Variants in RASSF2 observed in about 807,000 individuals in gnomAD.
The protein encoded by RASSF2 is Ras association domain family member 2, also known as ras association domain-containing protein 2.
A neutral mutation model predicts 46.3 loss-of-function variants in RASSF2; 34 were observed. The ratio of observed to expected loss-of-function variants is 0.73; its 90% CI spans 0.56 to 0.98. The LOEUF is 0.98. RASSF2 is among the 50% of genes least tolerant of loss of function. RASSF2 has a pLI of 0.00. For missense variants in RASSF2, 364 were observed against 431.2 expected (o/e 0.84, Z 1.38); for synonymous variants, 158 against 162.5 (o/e 0.97, Z 0.21).
Position 4,820,515 on chromosome 20 carries a change from AT to A in RASSF2, c.-33+1813del, listed in dbSNP as rs199605274. Among the ~76,000 whole-genome samples the A allele has an allele frequency of 5.3e-4, 80 of 151,968 alleles. 2 individuals carry two copies. The South Asian group carries it at 0.016, about 30-fold the overall frequency. ...ACAGAGAGAGACCCTATGTCAAAAAATAATAATAATAATAAATATAAATAAA... is the reference window on the plus strand; with the variant it reads ...ACAGAGAGAGACCCTATGTCAAAAAAAATAATAATAATAAATATAAATAAA... On this transcript the variant is annotated intron_variant, in intron 2 of 11. Transcript: ENST00000379400.
At chr20:4,798,142 A>T in intron 3 of RASSF2, 57 bp from the exon 4 acceptor site, 1 of 1,601,550 alleles carries the variant, frequency 6.2e-7, no homozygotes, top group South Asian at 1.1e-5. Flanking sequence ...CTTATAATGC[A>T]GTTGTTCCCT....
In RASSF2 at chr20:4,806,261, T is replaced by C. The variant is rs140212147; in HGVS notation, c.-32-5199A>G. Among the ~76,000 whole-genome samples, 447 of 152,336 alleles carry C rather than the reference T, an allele frequency of 2.9e-3. 2 individuals are homozygous for C. Among genetic ancestry groups the C allele is most frequent in the Middle Eastern group, 0.01 (3 of 294 alleles). On this transcript the variant is annotated intron_variant, in intron 2 of 11. Coordinates refer to ENST00000379400, the MANE Select transcript of RASSF2 (RefSeq NM_014737.3). ...AGGAAGGGGAACCCAGAGCAGCCTC[T>C]GTTAAACCACACAAAGGTCATGGGG... is the stretch of plus-strand genomic sequence containing the variant.
intron 4 of RASSF2, among the ~76,000 whole-genome samples, chr20:4,797,327 T>G (rs1047130240): frequency 6.6e-6 from 1 of 152,208 alleles, no homozygotes; most frequent in African/African-American, 2.4e-5. Flanking sequence ...TTTCTATGGT[T>G]AAATCGCCAC....
At position 4,784,227 on chromosome 20, in the gene RASSF2, G is replaced by A. The variant is rs555147553; in HGVS notation, c.*46C>T. 1.8e-5 allele frequency: 28 copies of A among 1,553,998 alleles called. No individual in the cohort carries two copies. The highest frequency in any genetic ancestry group is 2.5e-5 in the Non-Finnish European group (28 of 1,125,362). Reference sequence around the variant, plus strand: ...TGCCTAGCTTCCTGGGGGTCTTATGGGCAATGGCGGTTCCTGGGGTGCCCA... The same window carrying A: ...TGCCTAGCTTCCTGGGGGTCTTATGAGCAATGGCGGTTCCTGGGGTGCCCA... On this transcript the variant is annotated 3_prime_UTR_variant, in exon 12 of 12. Transcript: ENST00000379400.
chr20:4,792,102 T>C (rs190133912), intron 6 of RASSF2, among the ~76,000 whole-genome samples: 113 of 151,762 alleles, frequency 7.4e-4, no homozygotes, highest in Admixed American at 1.2e-3. Flanking sequence ...AATACAAAAA[T>C]TAGCTGGGCA....
intron 2 of RASSF2, among the ~76,000 whole-genome samples, chr20:4,819,373 TGTACAAA>T (rs992322836): frequency 5.9e-5 from 9 of 152,016 alleles, no homozygotes; most frequent in African/African-American, 1.7e-4. Flanking sequence ...ACAAAGGGAG[TGTACAAA>T]GTACAAAGTA....
chr20:4,783,005 G>A lies in RASSF2; in HGVS notation c.*1268C>T, dbSNP rs746184470. The A allele has an allele frequency of 5.9e-5, 9 of 152,298 alleles. No homozygotes were observed. The highest frequency in any genetic ancestry group is 1.3e-4 in the Admixed American group (2 of 15,284). The allele number at this position is 152,298 out of a possible 1,614,324, so 9.4% of individuals were successfully genotyped here. On this transcript the variant is annotated 3_prime_UTR_variant, in exon 12 of 12. Transcript: ENST00000379400. ...CTTGCCCTTTTCTCCCATTGGGGTT[G>A]GATTTAAAGATCACATAGGTGGCTG...
chr20:4,811,252 G>GTAGTCTTAGCTACTC (rs1555792684), intron 2 of RASSF2, among the ~76,000 whole-genome samples: 7 of 62,614 alleles, frequency 1.1e-4, no homozygotes, highest in African/African-American at 2.0e-4. Context: ...TCAGGAGGCT[G>GTAGTCTTAGCTACTC]AGATAGGAGG....
At chr20:4,819,255 G>A (rs190446328) in intron 2 of RASSF2, among the ~76,000 whole-genome samples, 4 of 152,290 alleles carry the variant, frequency 2.6e-5, no homozygotes, top group African/African-American at 9.6e-5. Flanking sequence ...GAGCCACTGC[G>A]CCCAGCCTGA....
chr20:4,802,102 A>G (rs1038910327), intron 2 of RASSF2, among the ~76,000 whole-genome samples: 15 of 151,620 alleles, frequency 9.9e-5, no homozygotes, highest in African/African-American at 3.6e-4. Flanking sequence ...AAGCGATGTC[A>G]CTTTGTCACC....
At chr20:4,815,747 G>A (rs1928252710) in intron 2 of RASSF2, among the ~76,000 whole-genome samples, 1 of 152,204 alleles carries the variant, frequency 6.6e-6, no homozygotes, top group African/African-American at 2.4e-5. Context: ...GTGGGTCTGG[G>A]CCCCAAGGGC....
At chr20:4,818,971 CT>C (rs542701707) in intron 2 of RASSF2, among the ~76,000 whole-genome samples, 1 of 151,608 alleles carries the variant, frequency 6.6e-6, no homozygotes, top group Admixed American at 6.6e-5. Flanking sequence ...TTTTTTCTTT[CT>C]TTTTTTTGAG....
chr20:4,801,602 T>G (rs1926874860), intron 2 of RASSF2, among the ~76,000 whole-genome samples: 1 of 152,176 alleles, frequency 6.6e-6, no homozygotes, highest in South Asian at 2.1e-4. Flanking sequence ...TGGGTCTAAT[T>G]TTGTTTAAAA....
intron 2 of RASSF2, among the ~76,000 whole-genome samples, chr20:4,804,202 C>T (rs956997078): frequency 6.6e-6 from 1 of 151,906 alleles, no homozygotes; most frequent in African/African-American, 2.4e-5. Flanking sequence ...AAAAGTGGGA[C>T]CCTGAGAACA....
intron 2 of RASSF2, among the ~76,000 whole-genome samples, chr20:4,811,129 T>C (rs572724235): frequency 1.4e-5 from 2 of 138,978 alleles, no homozygotes; most frequent in African/African-American, 5.1e-5. Context: ...CAAGGACAGC[T>C]TGGGGCCAGG....
At chr20:4,792,860 GAGA>G (rs1003925166) in intron 5 of RASSF2, 5 of 752,092 alleles carry the variant, frequency 6.6e-6, no homozygotes, top group Non-Finnish European at 1.0e-5. Context: ...GTTCCGGAGG[GAGA>G]AGATGTTCTT....
intron 2 of RASSF2, among the ~76,000 whole-genome samples, chr20:4,822,079 A>G (rs184431157): frequency 3.4e-3 from 519 of 152,398 alleles, no homozygotes; most frequent in Non-Finnish European, 4.9e-3. Context: ...CACCTGCAGA[A>G]AAAGTGCCTG....
At chr20:4,808,532 G>A (rs535191534) in intron 2 of RASSF2, among the ~76,000 whole-genome samples, 2 of 147,934 alleles carry the variant, frequency 1.4e-5, no homozygotes, top group African/African-American at 2.5e-5. Context: ...TGTCACCCAG[G>A]CTGGAATGGA....
At chr20:4,792,401 G>A in intron 6 of RASSF2, 138 bp downstream of exon 6, 2 of 1,519,096 alleles carry the variant, frequency 1.3e-6, no homozygotes, top group South Asian at 2.5e-5. Flanking sequence ...GATGAGGTGG[G>A]TGACTTAATT....
Sources: gnomAD v4.1 joint callset for allele counts (sites outside exome capture counted in the v4.1 genomes callset) on GRCh38, gnomAD v4.1.1 for gene constraint, MANE v1.5 for transcripts, NCBI Gene and HGNC (gene_info 2026-07-23, HGNC 2026-07-21) for gene names.